Variants in TBC1D4 observed in about 807,000 individuals in gnomAD.
TBC1D4 encodes the protein TBC1 domain family member 4.
In TBC1D4, 121 loss-of-function variants were observed where a neutral mutation model predicts 142.5. That is an observed-to-expected ratio of 0.85 (90% CI 0.73 to 0.99). The LOEUF is 0.99. Among genes scored for constraint, TBC1D4 ranks in the 50% least tolerant of loss-of-function variants. The probability of loss-of-function intolerance (pLI) is 0.00; values close to 1 mark genes in which losing one functional copy is unlikely to be tolerated. For missense variants in TBC1D4, 1,475 were observed against 1,606.6 expected (o/e 0.92, Z 1.40); for synonymous variants, 630 against 628.2 (o/e 1.00, Z -0.04).
intron 14 of TBC1D4, among the ~76,000 whole-genome samples, chr13:75,309,346 A>G (rs536945741): frequency 2.6e-5 from 4 of 152,268 alleles, no homozygotes; most frequent in African/African-American, 9.6e-5. Flanking sequence ...ATTATAAATT[A>G]TTTGATTATA....
At chr13:75,302,153 T>C in intron 16 of TBC1D4, 90 bp downstream of exon 16, 3 of 1,509,972 alleles carry the variant, frequency 2.0e-6, no homozygotes, top group Non-Finnish European at 2.7e-6. Context: ...GTGCTCTTTA[T>C]CAGCACCAAG....
rs1239599488 is a variant in TBC1D4 at position 75,406,415 on chromosome 13, A to G, written c.499-43808T>C. On this transcript the variant is annotated intron_variant, in intron 1 of 20. Coordinates refer to ENST00000377636, the MANE Select transcript of TBC1D4 (RefSeq NM_014832.5). ...ATTAAAGCATTGCAGGCCTTTGTTA[A>G]AACACAAAAGAATATGCTGTCTTCA... 2.6e-5 allele frequency among the ~76,000 whole-genome samples: 4 copies of G among 152,224 alleles called. No individual in the cohort carries two copies. In the East Asian group the frequency reaches 7.7e-4, roughly 29 times the overall value.
At chr13:75,329,739 G>A (rs1332646138) in intron 8 of TBC1D4, among the ~76,000 whole-genome samples, 1 of 152,152 alleles carries the variant, frequency 6.6e-6, no homozygotes, top group Admixed American at 6.5e-5. Context: ...GTCCATAAAT[G>A]TCATTATTCT....
chr13:75,412,082 T>A (rs1885696555), intron 1 of TBC1D4, among the ~76,000 whole-genome samples: 1 of 152,020 alleles, frequency 6.6e-6, no homozygotes, highest in Admixed American at 6.5e-5. Context: ...AAGAAGAGAA[T>A]CCTGTAAATT....
At chr13:75,290,993 G>T (rs761182793) in intron 19 of TBC1D4, among the ~76,000 whole-genome samples, 1 of 152,144 alleles carries the variant, frequency 6.6e-6, no homozygotes, top group Non-Finnish European at 1.5e-5. Context: ...AAGCATAATT[G>T]TCAAATCTAT....
At chr13:75,361,766 G>A (rs1882537554) in intron 2 of TBC1D4, among the ~76,000 whole-genome samples, 1 of 152,006 alleles carries the variant, frequency 6.6e-6, no homozygotes, top group Non-Finnish European at 1.5e-5. Flanking sequence ...AGGTGTCCAG[G>A]ACGTTCTACG....
chr13:75,373,607 T>TC (rs1883337636), intron 1 of TBC1D4, among the ~76,000 whole-genome samples: 1 of 152,174 alleles, frequency 6.6e-6, no homozygotes, highest in Admixed American at 6.5e-5. Context: ...ACCCTCACAG[T>TC]AGAGGTCAAC....
intron 1 of TBC1D4, among the ~76,000 whole-genome samples, chr13:75,455,953 C>CAT (rs1243539470): frequency 6.6e-6 from 1 of 151,832 alleles, no homozygotes; most frequent in African/African-American, 2.4e-5. Flanking sequence ...TCTTCTAATG[C>CAT]ATATATATAA....
intron 1 of TBC1D4, among the ~76,000 whole-genome samples, chr13:75,391,747 C>T (rs186708665): frequency 2.5e-4 from 38 of 152,298 alleles, no homozygotes; most frequent in African/African-American, 8.2e-4. Flanking sequence ...CCTGCACCAT[C>T]TGATGCCCTA....
chr13:75,474,214 A>AT (rs1162804273), intron 1 of TBC1D4, among the ~76,000 whole-genome samples: 7 of 152,250 alleles, frequency 4.6e-5, no homozygotes, highest in African/African-American at 1.7e-4. Flanking sequence ...ATAAAAGCTG[A>AT]TAAGACCAAC....
At chr13:75,450,616 C>T (rs759473674) in intron 1 of TBC1D4, among the ~76,000 whole-genome samples, 16 of 152,204 alleles carry the variant, frequency 1.1e-4, no homozygotes, top group Non-Finnish European at 1.8e-4. Context: ...GCAGAGAATA[C>T]TGCCAGCCAG....
chr13:75,321,039 C>CA (rs760227205), intron 11 of TBC1D4, among the ~76,000 whole-genome samples: 143 of 123,296 alleles, frequency 1.2e-3, no homozygotes, highest in African/African-American at 1.8e-3. Context: ...GACTCCATCT[C>CA]AAAAAAAAAA....
Position 75,329,918 on chromosome 13 carries a change from T to A in TBC1D4, c.1732-2092A>T, listed in dbSNP as rs547463093. The stretch of plus-strand genomic sequence containing the variant: ...CCTGCTGTTTCTCTTTGGAACAGAA[T>A]CTAAGTTTGCCCTTTGGCATTGTGA... On this transcript the variant is annotated intron_variant, in intron 8 of 20. Transcript: ENST00000377636. Among the ~76,000 whole-genome samples, 89 of 152,358 alleles carry A rather than the reference T, an allele frequency of 5.8e-4. No homozygotes were observed. In the South Asian group the frequency reaches 0.018, roughly 31 times the overall value.
intron 5 of TBC1D4, among the ~76,000 whole-genome samples, chr13:75,342,865 T>C (rs930304657): frequency 6.6e-6 from 1 of 151,860 alleles, no homozygotes; most frequent in Non-Finnish European, 1.5e-5. Context: ...ATAAACCTTA[T>C]AGGTAGGCTG....
At chr13:75,377,079 GTC>G in intron 1 of TBC1D4, among the ~76,000 whole-genome samples, 1 of 152,244 alleles carries the variant, frequency 6.6e-6, no homozygotes, top group East Asian at 1.9e-4. Context: ...AAATTTTTCT[GTC>G]TGATTCAAAG....
chr13:75,478,741 T>C (rs1236842817), intron 1 of TBC1D4, among the ~76,000 whole-genome samples: 1 of 152,186 alleles, frequency 6.6e-6, no homozygotes, highest in African/African-American at 2.4e-5. Flanking sequence ...TTCTGCTAAA[T>C]TCTTCAAAAA....
At chr13:75,440,557 T>TA (rs199689839) in intron 1 of TBC1D4, among the ~76,000 whole-genome samples, 2,896 of 150,130 alleles carry the variant, frequency 0.019, 117 homozygotes, top group African/African-American at 0.066. Context: ...TACTATTTTT[T>TA]AAAAAAAAAA....
At chr13:75,385,939 AT>A (rs1278905608) in intron 1 of TBC1D4, among the ~76,000 whole-genome samples, 2 of 152,176 alleles carry the variant, frequency 1.3e-5, no homozygotes, top group Admixed American at 6.5e-5. Context: ...CAAACACTGC[AT>A]TTCTGTGACA....
At chr13:75,479,535 C>T (rs1329290153) in intron 1 of TBC1D4, among the ~76,000 whole-genome samples, 1 of 151,886 alleles carries the variant, frequency 6.6e-6, no homozygotes, top group East Asian at 1.9e-4. Context: ...CTGTTGAGAA[C>T]TAAAGGTGCC....
Sources: gnomAD v4.1 joint callset for allele counts (sites outside exome capture counted in the v4.1 genomes callset) on GRCh38, gnomAD v4.1.1 for gene constraint, MANE v1.5 for transcripts, NCBI Gene and HGNC (gene_info 2026-07-23, HGNC 2026-07-21) for gene names.